Variants in PCDHGB1 observed in about 807,000 individuals in gnomAD.
PCDHGB1 encodes the protein protocadherin gamma-B1.
Under a neutral mutation model 56.6 loss-of-function variants are expected in PCDHGB1, and 34 were observed. The observed-to-expected ratio is 0.60, with a 90% CI of 0.46 to 0.80. The LOEUF (loss-of-function observed/expected upper bound fraction) is 0.80, where lower values mean the gene tolerates loss of function less well. Among genes scored for constraint, PCDHGB1 ranks in the 30% least tolerant of loss-of-function variants. The pLI, the probability that PCDHGB1 is intolerant of heterozygous loss-of-function variation, is 0.00. For missense variants in PCDHGB1, 1,278 were observed against 1,204.6 expected (o/e 1.06, Z -0.90); for synonymous variants, 561 against 505.9 (o/e 1.11, Z -1.46).
intron 1 of PCDHGB1, among the ~76,000 whole-genome samples, chr5:141,443,876 G>C (rs2098409251): frequency 6.6e-6 from 1 of 152,152 alleles, no homozygotes; most frequent in South Asian, 2.1e-4. Flanking sequence ...TTACTGATAA[G>C]TCAAGAGAAA....
At chr5:141,451,334 C>G (rs916812246) in intron 1 of PCDHGB1, among the ~76,000 whole-genome samples, 4 of 152,192 alleles carry the variant, frequency 2.6e-5, no homozygotes, top group Non-Finnish European at 4.4e-5. Context: ...AGGCTATTGT[C>G]TTATCTGAAG....
intron 1 of PCDHGB1, chr5:141,367,477 C>A (rs1199717010): frequency 6.6e-6 from 1 of 152,048 alleles, no homozygotes; most frequent in Non-Finnish European, 1.5e-5. Context: ...GAGGAGCTTG[C>A]AGTAAGCCGA....
rs751692866 is a variant in PCDHGB1 at position 141,356,729 on chromosome 5, A to G, written c.2409+4060A>G. The stretch of plus-strand genomic sequence containing the variant: ...TCCTCCTATGTCTCCATCAACTCCA[A>G]TACAGGGATCCTATATGCTCTTTGC... On this transcript the variant is annotated intron_variant, in intron 1 of 3. Transcript: ENST00000523390. 14 of 1,613,954 alleles carry G rather than the reference A, an allele frequency of 8.7e-6. No individual in the cohort carries two copies. Among genetic ancestry groups the G allele is most frequent in the Non-Finnish European group, 1.0e-5 (12 of 1,179,864 alleles).
At chr5:141,382,795 T>G in intron 1 of PCDHGB1, 8 of 982,614 alleles carry the variant, frequency 8.1e-6, no homozygotes, top group Non-Finnish European at 1.2e-5. Context: ...TCTATCCTGC[T>G]GGATTCTGAG....
chr5:141,384,596 C>G, intron 1 of PCDHGB1: 1 of 1,614,240 alleles, frequency 6.2e-7, no homozygotes, highest in Non-Finnish European at 8.5e-7. Flanking sequence ...CTGTACCCGG[C>G]CCTCCCCACA....
In PCDHGB1 at chr5:141,383,791, A is replaced by G. The variant is rs763044850; in HGVS notation, c.2409+31122A>G. 4 of 1,613,998 alleles carry G rather than the reference A, an allele frequency of 2.5e-6. No homozygotes were observed. In the South Asian group the frequency reaches 4.4e-5, roughly 18 times the overall value. On this transcript the variant is annotated intron_variant, in intron 1 of 3. Transcript: ENST00000523390. ...AAAGATGTTTCATCTGAACTCGCTT[A>G]CAGGAGAAATATCAACTTTAGAAGG...
At chr5:141,443,751 A>C (rs1372334547) in intron 1 of PCDHGB1, among the ~76,000 whole-genome samples, 3 of 152,230 alleles carry the variant, frequency 2.0e-5, no homozygotes, top group African/African-American at 7.2e-5. Context: ...GTGAATTGGA[A>C]GCTTACAATA....
In PCDHGB1 at chr5:141,423,562, A is replaced by G. The variant is rs374427537; in HGVS notation, c.2409+70893A>G. On this transcript the variant is annotated intron_variant, in intron 1 of 3. Coordinates refer to ENST00000523390, the MANE Select transcript of PCDHGB1 (RefSeq NM_018922.3). ...TTTCCCCCAGCCCAACTATGGGGAC[A>G]CGCTCATCAGCCAGGAGAGCTGTGA... is the stretch of plus-strand genomic sequence containing the variant. 7 of 1,613,498 alleles carry G rather than the reference A, an allele frequency of 4.3e-6. No homozygotes were observed. The African/African-American group carries it at 8.0e-5, about 18-fold the overall frequency.
At chr5:141,388,414 A>G in intron 1 of PCDHGB1, 2 of 1,613,970 alleles carry the variant, frequency 1.2e-6, no homozygotes, top group Non-Finnish European at 1.7e-6. Context: ...CCCAGTGATC[A>G]TTTCTCACTG....
At chr5:141,430,584 G>A (rs1451886397) in intron 1 of PCDHGB1, 3 of 495,136 alleles carry the variant, frequency 6.1e-6, no homozygotes, top group African/African-American at 5.9e-5. Flanking sequence ...GATCCTGCTC[G>A]CCTTGCACGC....
chr5:141,487,421 C>G lies in PCDHGB1; in HGVS notation c.2410-7386C>G. On this transcript the variant is annotated intron_variant, in intron 1 of 3. Transcript: ENST00000523390. This position sits in a 1 kb window ranked among gnomAD's most constrained non-coding sequence, Gnocchi z 5.0. ...GGGGCTTCCCCCTTCCAATGGGATC[C>G]TCCGAATCCAGCTAGGGTCAGATGA... 1 of 1,614,144 alleles carries G rather than the reference C, an allele frequency of 6.2e-7. No individual in the cohort carries two copies. The highest frequency in any genetic ancestry group is 8.5e-7 in the Non-Finnish European group (1 of 1,180,022).
At chr5:141,466,621 T>A (rs911794654) in intron 1 of PCDHGB1, among the ~76,000 whole-genome samples, 1 of 152,208 alleles carries the variant, frequency 6.6e-6, no homozygotes, top group Non-Finnish European at 1.5e-5. Context: ...GCCGTTTTCT[T>A]TGGAGCATTG....
In PCDHGB1 at chr5:141,421,903, G is replaced by T. The variant is rs757656265; in HGVS notation, c.2409+69234G>T. 2.5e-6 allele frequency: 4 copies of T among 1,613,704 alleles called. No homozygotes were observed. In the East Asian group the frequency reaches 6.7e-5, roughly 27 times the overall value. ...TGGAGGCGATCCCATCCGAAAGGGCGCAGTTCCCATTCGTGTGGTGGTCCT... is the reference window on the plus strand; with the variant it reads ...TGGAGGCGATCCCATCCGAAAGGGCTCAGTTCCCATTCGTGTGGTGGTCCT... On this transcript the variant is annotated intron_variant, in intron 1 of 3. Transcript: ENST00000523390.
At position 141,350,586 on chromosome 5, in the gene PCDHGB1, A is replaced by T; in HGVS notation, c.326A>T (p.Asn109Ile). The T allele has an allele frequency of 6.2e-7, 1 of 1,614,018 alleles. No homozygotes were observed. The highest frequency in any genetic ancestry group is 1.1e-5 in the South Asian group (1 of 91,080). The stretch of plus-strand genomic sequence containing the variant: ...CTAGAATTCGAAACGGTCGCTGAAA[A>T]CCCAATGAATGTTTTCCACGTGGTT... The part of the protein sequence containing the change: ...CALEFETVAE[N>I]PMNVFHVVVV... Residue 109 changes from asparagine (N) to isoleucine (I), a missense_variant, in exon 1 of 4, where the codon AAC (asparagine) becomes ATC (isoleucine). Physicochemically the swap from Asn to Ile is moderately radical, Grantham distance 149. Transcript: ENST00000523390.
chr5:141,384,064 A>G, intron 1 of PCDHGB1: 13 of 1,607,984 alleles, frequency 8.1e-6, no homozygotes, highest in Non-Finnish European at 1.1e-5. Context: ...CATTCCAGAA[A>G]ACCTACCTTT....
chr5:141,485,609 G>T lies in PCDHGB1; in HGVS notation c.2410-9198G>T. On this transcript the variant is annotated intron_variant, in intron 1 of 3. Coordinates refer to ENST00000523390, the MANE Select transcript of PCDHGB1 (RefSeq NM_018922.3). The surrounding 1 kb of genome is among the most constrained non-coding windows in gnomAD (Gnocchi z 5.7). ...GCTGGACTTGGAAATTGGGGAGGCA[G>T]CTCCTCCAGGACAGCGTTTCCCGTT... The T allele has an allele frequency of 6.2e-7, 1 of 1,612,256 alleles. No homozygotes were observed. Among genetic ancestry groups the T allele is most frequent in the Non-Finnish European group, 8.5e-7 (1 of 1,178,656 alleles).
At chr5:141,464,156 T>C (rs2099077051) in intron 1 of PCDHGB1, among the ~76,000 whole-genome samples, 2 of 151,752 alleles carry the variant, frequency 1.3e-5, no homozygotes, top group Non-Finnish European at 1.5e-5. Context: ...TCCCAGCTAC[T>C]TGGAAGGCTG....
chr5:141,368,497 A>G (rs575171402), intron 1 of PCDHGB1, among the ~76,000 whole-genome samples: 1 of 152,306 alleles, frequency 6.6e-6, no homozygotes, highest in East Asian at 1.9e-4. Flanking sequence ...TCTATACAGT[A>G]GGTGTCGACA....
intron 1 of PCDHGB1, chr5:141,378,737 T>C (rs982541693): frequency 3.3e-5 from 5 of 152,152 alleles, no homozygotes; most frequent in African/African-American, 1.2e-4. Flanking sequence ...TATTGAAATA[T>C]TTCAAGAAAA....
Sources: allele counts gnomAD v4.1 joint callset (sites outside exome capture counted in the v4.1 genomes callset), GRCh38; gene constraint gnomAD v4.1.1; non-coding constraint Gnocchi (gnomAD v3.1); transcripts MANE v1.5; gene names NCBI Gene and HGNC (gene_info 2026-07-23, HGNC 2026-07-21).